Variants in COL4A3 observed in about 807,000 individuals in gnomAD.
COL4A3 encodes the protein collagen type IV alpha 3 chain, also known as collagen alpha-3(IV) chain.
A neutral mutation model predicts 217.4 loss-of-function variants in COL4A3; 135 were observed. The observed-to-expected ratio is 0.62, with a 90% CI of 0.54 to 0.72. The LOEUF (loss-of-function observed/expected upper bound fraction) is 0.72, where lower values mean the gene tolerates loss of function less well. Among genes scored for constraint, COL4A3 ranks in the 30% least tolerant of loss-of-function variants. The pLI, the probability that COL4A3 is intolerant of heterozygous loss-of-function variation, is 0.00. For synonymous variants in COL4A3, 690 were observed against 736.3 expected, an observed-to-expected ratio of 0.94 and a Z score of 1.02; for missense variants, 1,868 against 2,119.9, an observed-to-expected ratio of 0.88 and a Z score of 2.33.
chr2:227,298,111 GC>G (rs1161304782), intron 42 of COL4A3, among the ~76,000 whole-genome samples: 4 of 152,158 alleles, frequency 2.6e-5, no homozygotes, highest in Admixed American at 2.6e-4. Context: ...ACTTTGGTAG[GC>G]CAAGGCAGAC....
At chr2:227,221,957 T>C (rs1274676651) in intron 1 of COL4A3, among the ~76,000 whole-genome samples, 4 of 150,562 alleles carry the variant, frequency 2.7e-5, no homozygotes, top group African/African-American at 9.8e-5. Flanking sequence ...CTGAGCACAG[T>C]AGATCATTTA....
chr2:227,286,602 G>T (rs1236578686), intron 34 of COL4A3, among the ~76,000 whole-genome samples: 2 of 152,198 alleles, frequency 1.3e-5, no homozygotes, highest in Admixed American at 1.3e-4. Context: ...ATGACACTCT[G>T]ATAGGAAATG....
At chr2:227,186,408 A>C (rs1368666579) in intron 1 of COL4A3, among the ~76,000 whole-genome samples, 1 of 152,196 alleles carries the variant, frequency 6.6e-6, no homozygotes, top group East Asian at 1.9e-4. Context: ...CCCTTGCTGC[A>C]CAAGGCCAGT....
chr2:227,248,466 T>C lies in COL4A3; in HGVS notation c.492T>C (p.Asp164=), dbSNP rs1313252073. The C allele has an allele frequency of 3.1e-6, 5 of 1,612,700 alleles. No homozygotes were observed. In the African/African-American group the frequency reaches 5.3e-5, roughly 17 times the overall value. Residue 164 remains aspartate, a synonymous_variant, in exon 9 of 52, where the codon GAT becomes GAC. Coordinates refer to ENST00000396578, the MANE Select transcript of COL4A3 (RefSeq NM_000091.5). ...GQKGAPAKEE[D]IELDAKGDPG... ...AGGGTGCTCCTGCTAAAGAAGAAGA[T>C]ATAGAACTTGATGCAAAAGGCGACC...
At chr2:227,222,165 TGA>T (rs2067836493) in intron 1 of COL4A3, among the ~76,000 whole-genome samples, 5 of 68,002 alleles carry the variant, frequency 7.4e-5, no homozygotes, top group Non-Finnish European at 1.2e-4. Context: ...ATAATAATAA[TGA>T]TAATGATAAT....
intron 8 of COL4A3, among the ~76,000 whole-genome samples, chr2:227,248,071 CTG>C (rs1278103866): frequency 6.6e-6 from 1 of 152,166 alleles, no homozygotes; most frequent in Non-Finnish European, 1.5e-5. Context: ...TCCCAAGTAA[CTG>C]GGATTACAAG....
intron 5 of COL4A3, among the ~76,000 whole-genome samples, chr2:227,245,347 TA>T (rs573972611): frequency 6.9e-4 from 105 of 152,240 alleles, no homozygotes; most frequent in African/African-American, 2.5e-3. Flanking sequence ...TAAAAACCAT[TA>T]CACTATAACA....
rs1559809846 is a variant in COL4A3 at position 227,193,752 on chromosome 2, GGAA to G, written c.87+28941_87+28943del. ...AGGAAGGAGGGAGGGAGGGAGGGAA[GGAA>G]GGAAGGAAGGAAGGAAGGAAGGAAG... On this transcript the variant is annotated intron_variant, in intron 1 of 51. Coordinates refer to ENST00000396578, the MANE Select transcript of COL4A3 (RefSeq NM_000091.5). Among the ~76,000 whole-genome samples the G allele has an allele frequency of 7.3e-3, 139 of 19,032 alleles. 12 individuals are homozygous for G. The highest frequency in any genetic ancestry group is 0.025 in the African/African-American group (131 of 5,338). 12.5% of individuals were successfully genotyped at this position (19,032 alleles called of 152,430 possible). A position where few individuals can be genotyped will look rare whatever the true frequency, so the allele number is the denominator to read the frequency against.
intron 1 of COL4A3, among the ~76,000 whole-genome samples, chr2:227,205,067 T>C (rs2067050078): frequency 6.6e-6 from 1 of 152,212 alleles, no homozygotes; most frequent in African/African-American, 2.4e-5. Context: ...GAAGTTTATT[T>C]AGAGAGAAAT....
chr2:227,262,355 G>A (rs899404072), intron 20 of COL4A3, among the ~76,000 whole-genome samples: 11 of 152,050 alleles, frequency 7.2e-5, no homozygotes, highest in East Asian at 3.9e-4. Context: ...TTAATAAGCC[G>A]ATGAGAGGAA....
chr2:227,265,232 G>A (rs891738030), intron 21 of COL4A3: 3 of 152,148 alleles, frequency 2.0e-5, no homozygotes, highest in Admixed American at 6.5e-5. Context: ...ATTCATATAA[G>A]TCTACACTAA....
intron 11 of COL4A3, among the ~76,000 whole-genome samples, chr2:227,251,861 G>A (rs2069759220): frequency 1.3e-5 from 2 of 151,992 alleles, no homozygotes. Flanking sequence ...TTGAGGTCAG[G>A]AGTTCGAGGC....
Position 227,290,775 on chromosome 2 carries a change from A to G in COL4A3, c.3099A>G (p.Gly1033=). 6.2e-7 allele frequency: 1 copy of G among 1,613,444 alleles called. No individual in the cohort carries two copies. The highest frequency in any genetic ancestry group is 1.3e-5 in the African/African-American group (1 of 74,970). ...PGSKGKRGTL[G]FPGRAGRPGL... ...CTAAAGGAAAAAGGGGAACTTTGGG[A>G]TTCCCAGGTCGAGCAGGAAGACCAG... Residue 1033 remains glycine (G), a synonymous_variant, in exon 37 of 52, where the codon GGA becomes GGG. Coordinates refer to ENST00000396578, the MANE Select transcript of COL4A3 (RefSeq NM_000091.5).
At chr2:227,206,321 C>A (rs997342850) in intron 1 of COL4A3, among the ~76,000 whole-genome samples, 7 of 152,186 alleles carry the variant, frequency 4.6e-5, no homozygotes, top group Middle Eastern at 3.2e-3. Flanking sequence ...GATCCACCTG[C>A]CTTGGTCTCC....
At position 227,304,078 on chromosome 2, in the gene COL4A3, C is replaced by G. The variant is rs1167775872; in HGVS notation, c.4087C>G (p.Pro1363Ala). The G allele has an allele frequency of 6.2e-7, 1 of 1,614,198 alleles. No homozygotes were observed. Among genetic ancestry groups the G allele is most frequent in the South Asian group, 1.1e-5 (1 of 91,088 alleles). The change falls in exon 46 of 52, where the codon CCT becomes GCT. Residue 1363 changes from proline to alanine, a missense_variant. Pro to Ala is a conservative substitution (Grantham distance 27). Transcript: ENST00000396578. ...CTCCCTTCCAGGAAGCCCAGGGCCA[C>G]CTGGCACACCTGGAGAACCAGGGAT... ...IISLPGSPGP[P>A]GTPGEPGMQG...
intron 16 of COL4A3, 135 bp from the exon 17 acceptor site, chr2:227,256,208 T>G (rs1225283397): frequency 8.8e-7 from 1 of 1,136,452 alleles, no homozygotes; most frequent in East Asian, 2.4e-5. Flanking sequence ...GGAATCATAG[T>G]TTTACATCCC....
At chr2:227,267,439 T>A (rs910293739) in intron 23 of COL4A3, among the ~76,000 whole-genome samples, 3 of 152,210 alleles carry the variant, frequency 2.0e-5, no homozygotes, top group African/African-American at 7.2e-5. Context: ...TCCCTTTTTT[T>A]CTCAAAAGAC....
chr2:227,237,943 AC>A, intron 1 of COL4A3, 24 bp from the exon 2 acceptor site: 1 of 1,583,890 alleles, frequency 6.3e-7, no homozygotes, highest in Non-Finnish European at 8.7e-7. Flanking sequence ...TCTAAACAAA[AC>A]CCTTTCTCTT....
At chr2:227,275,134 T>G (rs2071479744) in intron 26 of COL4A3, among the ~76,000 whole-genome samples, 1 of 152,134 alleles carries the variant, frequency 6.6e-6, no homozygotes, top group African/African-American at 2.4e-5. Context: ...CAGCAAAAGT[T>G]TATTTAGCCC....
Sources: allele counts gnomAD v4.1 joint callset (sites outside exome capture counted in the v4.1 genomes callset), GRCh38; gene constraint gnomAD v4.1.1; transcripts MANE v1.5; gene names NCBI Gene and HGNC (gene_info 2026-07-23, HGNC 2026-07-21).